The following ITPR1 variants were observed in gnomAD, a reference collection of about 807,000 sequenced individuals.
ITPR1 encodes inositol 1,4,5-trisphosphate receptor type 1, also known as inositol 1,4,5-trisphosphate-gated calcium channel ITPR1.
In ITPR1, 96 loss-of-function variants were observed where a neutral mutation model predicts 318.4. That is an observed-to-expected ratio of 0.30 (90% CI 0.26 to 0.36). The LOEUF is 0.36. ITPR1 is among the 10% of genes least tolerant of loss of function. The pLI, the probability that ITPR1 is intolerant of heterozygous loss-of-function variation, is 1.00. For synonymous variants in ITPR1, 1,312 were observed against 1,289.9 expected, an observed-to-expected ratio of 1.02 and a Z score of -0.37; for missense variants, 2,440 against 3,460.2, an observed-to-expected ratio of 0.71 and a Z score of 7.40.
chr3:4,643,206 G>A (rs1466654674), intron 7 of ITPR1, among the ~76,000 whole-genome samples: 1 of 152,108 alleles, frequency 6.6e-6, no homozygotes, highest in African/African-American at 2.4e-5. Context: ...CAAAAGTGTT[G>A]GATTTATTGA....
intron 39 of ITPR1, among the ~76,000 whole-genome samples, chr3:4,714,695 C>T (rs571305627): frequency 1.8e-4 from 28 of 152,312 alleles, no homozygotes; most frequent in Middle Eastern, 3.4e-3. Context: ...TTAAAGATGA[C>T]GAGACGTAGG....
intron 2 of ITPR1, among the ~76,000 whole-genome samples, chr3:4,496,376 A>T (rs556299412): frequency 6.6e-6 from 1 of 152,270 alleles, no homozygotes; most frequent in Non-Finnish European, 1.5e-5. Flanking sequence ...CTCTTTGAAT[A>T]ATTCAAATCA....
chr3:4,599,941 G>A (rs1205907534), intron 4 of ITPR1, among the ~76,000 whole-genome samples: 1 of 152,164 alleles, frequency 6.6e-6, no homozygotes, highest in African/African-American at 2.4e-5. Context: ...GTCTCTCCCA[G>A]AAGTCTCCTC....
chr3:4,574,453 T>C (rs988964727), intron 4 of ITPR1, among the ~76,000 whole-genome samples: 1 of 152,218 alleles, frequency 6.6e-6, no homozygotes, highest in Non-Finnish European at 1.5e-5. Context: ...GACAAGTCTG[T>C]GAATTATATA....
chr3:4,835,784 G>A (rs1182092395), intron 60 of ITPR1, among the ~76,000 whole-genome samples: 2 of 151,780 alleles, frequency 1.3e-5, no homozygotes, highest in African/African-American at 4.8e-5. Flanking sequence ...GGCATATGTG[G>A]GCAGAAGGAA....
chr3:4,725,525 C>T (rs1559778329), intron 40 of ITPR1, 21 bp from the exon 41 acceptor site: 1 of 1,596,838 alleles, frequency 6.3e-7, no homozygotes, highest in Non-Finnish European at 8.5e-7. Flanking sequence ...GACTAACGTA[C>T]TTCGTTTTAC....
At chr3:4,794,302 A>G (rs2047754111) in intron 52 of ITPR1, among the ~76,000 whole-genome samples, 1 of 152,204 alleles carries the variant, frequency 6.6e-6, no homozygotes, top group Non-Finnish European at 1.5e-5. Context: ...GCGGTGGATT[A>G]AGGTGGCAGC....
At chr3:4,832,223 G>A (rs1354166980) in intron 60 of ITPR1, among the ~76,000 whole-genome samples, 5 of 152,164 alleles carry the variant, frequency 3.3e-5, no homozygotes, top group African/African-American at 7.2e-5. Flanking sequence ...GGGAGGCACT[G>A]GGGGAGACTC....
At chr3:4,597,558 T>A (rs1416858438) in intron 4 of ITPR1, among the ~76,000 whole-genome samples, 1 of 152,162 alleles carries the variant, frequency 6.6e-6, no homozygotes. Context: ...GACTTCTGGC[T>A]GGCATCACCG....
chr3:4,817,366 A>G (rs2322832), intron 59 of ITPR1: 51,048 of 152,178 alleles, frequency 0.34, 9,114 homozygotes, highest in East Asian at 0.47. Context: ...GTGTATGTGT[A>G]CACAGCACAT....
At chr3:4,505,227 C>G (rs1261360860) in intron 2 of ITPR1, among the ~76,000 whole-genome samples, 1 of 152,174 alleles carries the variant, frequency 6.6e-6, no homozygotes, top group Non-Finnish European at 1.5e-5. Context: ...GGAGTCTCAT[C>G]TGTCGCCCAG....
intron 52 of ITPR1, among the ~76,000 whole-genome samples, chr3:4,789,409 T>C (rs1298701319): frequency 6.6e-6 from 1 of 152,190 alleles, no homozygotes; most frequent in East Asian, 1.9e-4. Context: ...TGGAAACTTT[T>C]GCAGAGCACC....
At chr3:4,807,708 G>C (rs1360059635) in intron 55 of ITPR1, among the ~76,000 whole-genome samples, 2 of 152,200 alleles carry the variant, frequency 1.3e-5, no homozygotes, top group Non-Finnish European at 2.9e-5. Flanking sequence ...AATAGGTCTG[G>C]CTATATTTTG....
chr3:4,612,373 C>G (rs768747762), intron 4 of ITPR1, among the ~76,000 whole-genome samples: 1 of 152,022 alleles, frequency 6.6e-6, no homozygotes, highest in Non-Finnish European at 1.5e-5. Flanking sequence ...CTATATCAGG[C>G]ACTTTTGAGC....
At chr3:4,618,246 A>T (rs2092462659) in intron 4 of ITPR1, among the ~76,000 whole-genome samples, 1 of 152,198 alleles carries the variant, frequency 6.6e-6, no homozygotes, top group South Asian at 2.1e-4. Flanking sequence ...AATACTGATA[A>T]ACATAACAGT....
intron 2 of ITPR1, among the ~76,000 whole-genome samples, chr3:4,498,972 G>C (rs7632803): frequency 0.011 from 1,654 of 152,278 alleles, 27 homozygotes; most frequent in African/African-American, 0.038. Flanking sequence ...CAAACTTAAA[G>C]CAAACCTCAA....
intron 42 of ITPR1, among the ~76,000 whole-genome samples, chr3:4,727,729 G>A (rs935517685): frequency 2.0e-5 from 3 of 151,960 alleles, no homozygotes; most frequent in Non-Finnish European, 4.4e-5. Context: ...CACCACACCC[G>A]GCTAGTTTTC....
intron 24 of ITPR1, among the ~76,000 whole-genome samples, chr3:4,679,918 A>G (rs1048994647): frequency 2.6e-5 from 4 of 152,120 alleles, no homozygotes; most frequent in Non-Finnish European, 5.9e-5. Context: ...AAGCAGAGAC[A>G]AGGGGAGAAC....
At chr3:4,810,260 A>C (rs2048848087) in intron 55 of ITPR1, among the ~76,000 whole-genome samples, 1 of 152,224 alleles carries the variant, frequency 6.6e-6, no homozygotes, top group South Asian at 2.1e-4. Flanking sequence ...ATTAGACAGC[A>C]GCCAGAGGCC....
Sources: allele counts gnomAD v4.1 joint callset (sites outside exome capture counted in the v4.1 genomes callset), GRCh38; gene constraint gnomAD v4.1.1; transcripts MANE v1.5; gene names NCBI Gene and HGNC (gene_info 2026-07-23, HGNC 2026-07-21).